The following TET3 variants were observed in gnomAD, a reference collection of about 807,000 sequenced individuals.
The protein encoded by TET3 is tet methylcytosine dioxygenase 3.
TET3 carries 19 observed loss-of-function variants against 141.4 expected under a neutral mutation model. That is an observed-to-expected ratio of 0.13 (90% CI 0.09 to 0.20). The LOEUF (loss-of-function observed/expected upper bound fraction) is 0.20. Among genes scored for constraint, TET3 ranks in the 10% least tolerant of loss-of-function variants. The pLI is 1.00. For synonymous variants in TET3, 1,043 were observed against 980.9 expected, an observed-to-expected ratio of 1.06 and a Z score of -1.18; for missense variants, 1,874 against 2,356.9, an observed-to-expected ratio of 0.80 and a Z score of 4.24.
the TET3 span, among the ~76,000 whole-genome samples, chr2:74,125,612 T>G: frequency 7.2e-6 from 1 of 138,314 alleles, no homozygotes; most frequent in Non-Finnish European, 1.6e-5. Context: ...CCATCCTTTG[T>G]GAATAAGAAG....
the TET3 span, among the ~76,000 whole-genome samples, chr2:74,125,480 A>G: frequency 6.6e-6 from 1 of 152,218 alleles, no homozygotes; most frequent in Non-Finnish European, 1.5e-5. Flanking sequence ...TCATGCTGAG[A>G]TGAAGCTTTA....
chr2:74,032,105 GT>G (rs1333621643), intron 3 of TET3, among the ~76,000 whole-genome samples: 1 of 152,148 alleles, frequency 6.6e-6, no homozygotes, highest in Admixed American at 6.5e-5. Context: ...ACTCAAAACT[GT>G]GGGCTGCTGT....
Position 74,101,158 on chromosome 2 carries a change from G to T in TET3, c.4370G>T (p.Gly1457Val), listed in dbSNP as rs770505378. The change falls in exon 12 of 12, where the codon GGT (glycine) becomes GTT (valine). Residue 1457 changes from glycine to valine, a missense_variant. Coordinates refer to ENST00000409262, the MANE Select transcript of TET3 (RefSeq NM_001287491.2). This position sits in a 1 kb window ranked among gnomAD's most constrained non-coding sequence, Gnocchi z 8.5. ...ACTAACGGTGTGGGTGGCAGCTGGG[G>T]TGTGTTCTCGTCTGGGGAGAGTCCT... is the stretch of plus-strand genomic sequence containing the variant. ...KRTNGVGGSW[G>V]VFSSGESPAI... 46 of 1,613,874 alleles carry T rather than the reference G, an allele frequency of 2.9e-5. No homozygotes were observed. The highest frequency in any genetic ancestry group is 1.3e-4 in the South Asian group (12 of 91,036).
chr2:74,011,087 G>A (rs1241899310), intron 3 of TET3, among the ~76,000 whole-genome samples: 2 of 151,924 alleles, frequency 1.3e-5, no homozygotes, highest in Non-Finnish European at 2.9e-5. Flanking sequence ...AATTATCTGG[G>A]TGCGGTGGTG....
the TET3 span, among the ~76,000 whole-genome samples, chr2:74,128,698 G>GA: frequency 0.043 from 6,112 of 142,380 alleles, 393 homozygotes; most frequent in African/African-American, 0.15. Context: ...AAGACTATTA[G>GA]AAAAAAAAAA....
chr2:74,101,356 C>T lies in TET3; in HGVS notation c.4568C>T (p.Ser1523Leu), dbSNP rs201444511. ...WSPCKFGNST[S>L]ALAGPSLTEK... ...CCCTGCAAGTTTGGGAACAGCACCT[C>T]GGCCTTGGCTGGGCCCAGCCTGACT... The change falls in exon 12 of 12, where the codon TCG (serine) becomes TTG (leucine). Residue 1523 changes from serine (S) to leucine (L), a missense_variant. Around this residue, in one of 10 missense-constraint regions of TET3, gnomAD observed 602 missense variants for 590.2 expected, o/e 1.02. Transcript: ENST00000409262. This position sits in a 1 kb window ranked among gnomAD's most constrained non-coding sequence, Gnocchi z 8.5. 2.5e-4 allele frequency: 402 copies of T among 1,613,758 alleles called. 1 individual carries two copies. Among genetic ancestry groups the T allele is most frequent in the Non-Finnish European group, 3.1e-4 (364 of 1,179,876 alleles).
Position 74,047,406 on chromosome 2 carries a change from T to C in TET3, c.1489T>C (p.Ser497Pro), listed in dbSNP as rs1226233413. The stretch of plus-strand genomic sequence containing the variant: ...CAAGGTCAAGGTGGAGGCACCCTCT[T>C]CCTCCCCGGCCCCGGCCCCATCCCC... Reference protein sequence around the residue: ...KPKVKVEAPSSSPAPAPSPVL... With the variant: ...KPKVKVEAPSPSPAPAPSPVL... Residue 497 changes from serine (S) to proline (P), a missense_variant, in exon 4 of 12, where the codon TCC becomes CCC. Ser to Pro is a moderately conservative substitution (Grantham distance 74, BLOSUM62 -1). Around this residue, in one of 10 missense-constraint regions of TET3, gnomAD observed 484 missense variants for 462.2 expected, o/e 1.05. Coordinates refer to ENST00000409262, the MANE Select transcript of TET3 (RefSeq NM_001287491.2). 2 of 1,613,028 alleles carry C rather than the reference T, an allele frequency of 1.2e-6. No homozygotes were observed. The highest frequency in any genetic ancestry group is 2.7e-5 in the African/African-American group (2 of 74,844).
intron 2 of TET3, chr2:74,002,852 C>A: frequency 1.8e-6 from 1 of 568,888 alleles, no homozygotes; most frequent in Non-Finnish European, 3.2e-6. Context: ...CCGGGGGTCG[C>A]CGTCCTCTCG....
chr2:74,029,150 A>G (rs1686536802), intron 3 of TET3, among the ~76,000 whole-genome samples: 3 of 152,198 alleles, frequency 2.0e-5, no homozygotes, highest in Admixed American at 1.3e-4. Flanking sequence ...CGTACCTTTT[A>G]TATTTGTAGT....
rs538600969 is a variant in TET3 at position 74,010,112 on chromosome 2, G to GGT, written c.360+6947_360+6948dup. ...TCCCAGAGGCGTCATTTGGACCCTGGGTAGTAGTTAGGGCTGAGCTCTGGG... is the reference window on the plus strand; with the variant it reads ...TCCCAGAGGCGTCATTTGGACCCTGGGTGTAGTAGTTAGGGCTGAGCTCTGGG... On this transcript the variant is annotated intron_variant, in intron 3 of 11. Transcript: ENST00000409262. Among the ~76,000 whole-genome samples, 80 of 152,352 alleles carry GGT rather than the reference G, an allele frequency of 5.3e-4. 1 individual carries two copies. The highest frequency in any genetic ancestry group is 8.5e-4 in the Admixed American group (13 of 15,302).
intron 4 of TET3, among the ~76,000 whole-genome samples, chr2:74,059,035 T>C (rs1033458774): frequency 7.9e-5 from 12 of 152,362 alleles, no homozygotes; most frequent in Admixed American, 3.3e-4. Context: ...GAGCCTAAGA[T>C]GTGTGCTGTC....
In TET3 at chr2:74,046,907, G is replaced by C; in HGVS notation, c.990G>C (p.Gln330His). Residue 330 changes from glutamine to histidine, a missense_variant, in exon 4 of 12, where the codon CAG becomes CAC. By Grantham distance (24) the Gln-to-His change is conservative (BLOSUM62 0). Transcript: ENST00000409262. This position sits in a 1 kb window ranked among gnomAD's most constrained non-coding sequence, Gnocchi z 4.3. ...CACTCCTCAGCTCAGAGGTGCCCCA[G>C]ATCTCTCCCCAAGAGGGCCTGCCCC... ...TRPLLSSEVPQISPQEGLPLS... is the reference protein window; with the variant it reads ...TRPLLSSEVPHISPQEGLPLS... The C allele has an allele frequency of 6.2e-7, 1 of 1,613,842 alleles. No individual in the cohort carries two copies. The highest frequency in any genetic ancestry group is 8.5e-7 in the Non-Finnish European group (1 of 1,179,870).
chr2:74,089,080 CAAAAAAAAAAAAA>C (rs34315040), intron 7 of TET3, among the ~76,000 whole-genome samples: 2 of 60,566 alleles, frequency 3.3e-5, no homozygotes, highest in African/African-American at 6.2e-5. Flanking sequence ...GATTCCGTCT[CAAAAAAAAAAAAA>C]AAAAAAAAAA....
At chr2:74,031,654 G>A (rs1686694388) in intron 3 of TET3, among the ~76,000 whole-genome samples, 1 of 152,194 alleles carries the variant, frequency 6.6e-6, no homozygotes, top group Admixed American at 6.5e-5. Context: ...GCATTTCCTA[G>A]CCTACTCTGT....
chr2:74,134,868 G>A, the TET3 span: 1 of 425,776 alleles, frequency 2.3e-6, no homozygotes, highest in Non-Finnish European at 4.8e-6. Context: ...TGTAGCCATG[G>A]CTGCAGCAGG....
chr2:74,105,099 T>C lies in TET3; in HGVS notation c.*2923T>C. 2 of 398,554 alleles carry C rather than the reference T, an allele frequency of 5.0e-6. No individual in the cohort carries two copies. The highest frequency in any genetic ancestry group is 8.8e-6 in the Non-Finnish European group (2 of 226,072). The allele number at this position is 398,554 out of a possible 1,614,324, so 24.7% of individuals were successfully genotyped here. On this transcript the variant is annotated 3_prime_UTR_variant, in exon 12 of 12. Coordinates refer to ENST00000409262, the MANE Select transcript of TET3 (RefSeq NM_001287491.2). ...GAAAAATCAAATTTTTATTTTTTAC[T>C]GGCACTATCATTTTTTAAGTCCTAA... is the stretch of plus-strand genomic sequence containing the variant.
intron 3 of TET3, among the ~76,000 whole-genome samples, chr2:74,031,452 C>T (rs1686683879): frequency 6.6e-6 from 1 of 152,190 alleles, no homozygotes; most frequent in African/African-American, 2.4e-5. Flanking sequence ...TTCAGATGAA[C>T]ATGTGCAAAC....
intron 4 of TET3, among the ~76,000 whole-genome samples, chr2:74,067,279 G>A (rs4574138): frequency 0.31 from 46,704 of 152,164 alleles, 7,642 homozygotes; most frequent in African/African-American, 0.4. Flanking sequence ...CATCTCACCT[G>A]ATCTTCAACA....
intron 3 of TET3, among the ~76,000 whole-genome samples, chr2:74,038,051 G>T (rs1307162945): frequency 6.6e-6 from 1 of 152,176 alleles, no homozygotes; most frequent in African/African-American, 2.4e-5. Flanking sequence ...AATGCCTGCA[G>T]ATGTCTGGAG....
Sources: gnomAD v4.1 joint callset for allele counts (sites outside exome capture counted in the v4.1 genomes callset) on GRCh38, gnomAD v4.1.1 for gene constraint, gnomAD v4.1.1 regional missense constraint, Gnocchi (gnomAD v3.1) non-coding constraint, MANE v1.5 for transcripts, NCBI Gene and HGNC (gene_info 2026-07-23, HGNC 2026-07-21) for gene names.